Variants in PTPRM observed in about 807,000 individuals in gnomAD.
PTPRM encodes the protein receptor-type tyrosine-protein phosphatase mu.
A neutral mutation model predicts 186.7 loss-of-function variants in PTPRM; 47 were observed. The observed-to-expected ratio is 0.25, with a 90% confidence interval of 0.20 to 0.32. The LOEUF is 0.32. Among genes scored for constraint, PTPRM ranks in the 10% least tolerant of loss-of-function variants. The pLI, the probability that PTPRM is intolerant of heterozygous loss-of-function variation, is 1.00. For missense variants in PTPRM, 1,494 were observed against 1,865.0 expected (o/e 0.80, Z 3.66); for synonymous variants, 668 against 674.9 (o/e 0.99, Z 0.16).
intron 9 of PTPRM, among the ~76,000 whole-genome samples, chr18:8,083,141 C>A (rs182180077): frequency 6.6e-6 from 1 of 152,154 alleles, no homozygotes; most frequent in South Asian, 2.1e-4. Context: ...GCCCTCCCTA[C>A]TACTTCAATT....
intron 1 of PTPRM, among the ~76,000 whole-genome samples, chr18:7,649,490 T>C (rs1398241161): frequency 6.6e-6 from 1 of 152,196 alleles, no homozygotes. Flanking sequence ...CTGTTCTAGA[T>C]GTCATTAAAA....
At chr18:8,071,988 T>A (rs1397583582) in intron 8 of PTPRM, among the ~76,000 whole-genome samples, 1 of 152,190 alleles carries the variant, frequency 6.6e-6, no homozygotes, top group Non-Finnish European at 1.5e-5. Flanking sequence ...AAGGGGCCTT[T>A]CTTAGTATTG....
Position 8,026,004 on chromosome 18 carries a change from A to T in PTPRM, c.1133-43682A>T, listed in dbSNP as rs78555411. ...GAAGCCCCAGTGTACTTGAGCATTC[A>T]CAAGATTCATCAAGACAAAGATTTG... On this transcript the variant is annotated intron_variant, in intron 7 of 32. Transcript: ENST00000580170. Among the ~76,000 whole-genome samples, 20 of 152,314 alleles carry T rather than the reference A, an allele frequency of 1.3e-4. No homozygotes were observed. In the East Asian group the frequency reaches 2.9e-3, roughly 22 times the overall value.
At chr18:7,900,867 T>C (rs2049635104) in intron 3 of PTPRM, among the ~76,000 whole-genome samples, 2 of 152,250 alleles carry the variant, frequency 1.3e-5, no homozygotes, top group African/African-American at 2.4e-5. Context: ...TACTAAATTA[T>C]TCTTTTTGAA....
chr18:8,306,779 C>T (rs2147969545), intron 20 of PTPRM, among the ~76,000 whole-genome samples: 1 of 152,324 alleles, frequency 6.6e-6, no homozygotes, highest in Non-Finnish European at 1.5e-5. Flanking sequence ...TATCATTGGA[C>T]AATTGGCATT....
chr18:7,653,384 A>C (rs942026724), intron 1 of PTPRM, among the ~76,000 whole-genome samples: 1 of 152,052 alleles, frequency 6.6e-6, no homozygotes, highest in African/African-American at 2.4e-5. Context: ...AAACTATGTC[A>C]TGAAGGTTTG....
At chr18:7,638,909 C>G (rs2038380188) in intron 1 of PTPRM, among the ~76,000 whole-genome samples, 1 of 152,164 alleles carries the variant, frequency 6.6e-6, no homozygotes, top group African/African-American at 2.4e-5. Context: ...AAATATTTTT[C>G]TACAGGCAAC....
chr18:8,178,883 T>C (rs552276590), intron 14 of PTPRM, among the ~76,000 whole-genome samples: 1 of 152,242 alleles, frequency 6.6e-6, no homozygotes, highest in African/African-American at 2.4e-5. Flanking sequence ...GCCATAAGCC[T>C]AGCTGTGGGT....
chr18:8,215,545 C>CTTTTTT (rs11334182), intron 14 of PTPRM, among the ~76,000 whole-genome samples: 110 of 116,312 alleles, frequency 9.5e-4, no homozygotes, highest in Non-Finnish European at 1.2e-3. Flanking sequence ...TCTTTCTTTT[C>CTTTTTT]TTTTTTTTTT....
chr18:8,144,904 T>C (rs1038602147), intron 14 of PTPRM, among the ~76,000 whole-genome samples: 12 of 151,806 alleles, frequency 7.9e-5, no homozygotes, highest in Non-Finnish European at 1.3e-4. Context: ...TGAGAGTGAG[T>C]TCATGGATGG....
At chr18:7,760,617 A>G (rs1010686779) in intron 1 of PTPRM, among the ~76,000 whole-genome samples, 4 of 152,200 alleles carry the variant, frequency 2.6e-5, no homozygotes, top group Non-Finnish European at 5.9e-5. Flanking sequence ...GGAAACCCAC[A>G]GTTAACTATT....
chr18:8,401,078 C>A (rs2095869909), intron 32 of PTPRM, among the ~76,000 whole-genome samples: 1 of 152,012 alleles, frequency 6.6e-6, no homozygotes, highest in Non-Finnish European at 1.5e-5. Context: ...CATCCTGCCC[C>A]CTACACTCAG....
intron 22 of PTPRM, among the ~76,000 whole-genome samples, chr18:8,324,455 T>G (rs554234600): frequency 7.2e-5 from 11 of 152,336 alleles, no homozygotes; most frequent in African/African-American, 2.6e-4. Context: ...TGACAGAGAC[T>G]AGAGTAGCAG....
chr18:7,851,045 AAG>A (rs2046834627), intron 2 of PTPRM, among the ~76,000 whole-genome samples: 1 of 152,224 alleles, frequency 6.6e-6, no homozygotes, highest in Non-Finnish European at 1.5e-5. Context: ...AAAAAGTGAA[AAG>A]AGATTCTAGA....
rs7240861 is a variant in PTPRM at position 8,388,140 on chromosome 18, G to A, written c.4208+905G>A. On this transcript the variant is annotated intron_variant, in intron 31 of 32. Transcript: ENST00000580170. Reference sequence around the variant, plus strand: ...TTTCACCTGCATTTTCTCATTGGCAGTGATATGTAGCTAATCAACCAGCTG... The same window carrying A: ...TTTCACCTGCATTTTCTCATTGGCAATGATATGTAGCTAATCAACCAGCTG... Among the ~76,000 whole-genome samples the A allele has an allele frequency of 6.4e-3, 978 of 152,304 alleles. 9 individuals are homozygous for A. Among genetic ancestry groups the A allele is most frequent in the African/African-American group, 0.022 (932 of 41,550 alleles).
In PTPRM at chr18:8,394,479, C is replaced by T. The variant is rs754309737; in HGVS notation, c.4212C>T (p.Asn1404=). The part of the protein sequence containing the change: ...GEGRTVVHCL[N]GGGRSGTFCA... ...CATCTGATCTTTTTCACGACAGGAA[C>T]GGGGGAGGCCGCAGTGGGACGTTCT... Residue 1404 remains asparagine (N), a synonymous_variant, in exon 32 of 33, where the codon AAC becomes AAT. Coordinates refer to ENST00000580170, the MANE Select transcript of PTPRM (RefSeq NM_001105244.2). The T allele has an allele frequency of 9.3e-6, 15 of 1,607,752 alleles. No individual in the cohort carries two copies. The highest frequency in any genetic ancestry group is 4.5e-5 in the East Asian group (2 of 44,444).
intron 2 of PTPRM, among the ~76,000 whole-genome samples, chr18:7,777,075 C>T (rs2042623263): frequency 6.6e-6 from 1 of 152,134 alleles, no homozygotes; most frequent in Non-Finnish European, 1.5e-5. Flanking sequence ...AGAAATGACT[C>T]TTATGAATTT....
chr18:7,918,482 A>G lies in PTPRM; in HGVS notation c.548-8086A>G, dbSNP rs117904942. ...TTTTGTTTTGACTTGCATTTCTCTG[A>G]TGATTAGTGAGGTTGAACATTTTTT... is the stretch of plus-strand genomic sequence containing the variant. On this transcript the variant is annotated intron_variant, in intron 4 of 32. Transcript: ENST00000580170. Among the ~76,000 whole-genome samples, 218 of 152,196 alleles carry G rather than the reference A, an allele frequency of 1.4e-3. 2 individuals are homozygous for G. In the East Asian group the frequency reaches 0.032, roughly 23 times the overall value.
At chr18:8,319,971 G>C (rs1249385859) in intron 22 of PTPRM, among the ~76,000 whole-genome samples, 1 of 152,154 alleles carries the variant, frequency 6.6e-6, no homozygotes, top group African/African-American at 2.4e-5. Flanking sequence ...TCTGCAGATG[G>C]TGGGGGTCAT....
Sources: allele counts gnomAD v4.1 joint callset (sites outside exome capture counted in the v4.1 genomes callset), GRCh38; gene constraint gnomAD v4.1.1; transcripts MANE v1.5; gene names NCBI Gene and HGNC (gene_info 2026-07-23, HGNC 2026-07-21).